Variants in PLEKHA3 observed in about 807,000 individuals in gnomAD.
The protein encoded by PLEKHA3 is pleckstrin homology domain-containing family A member 3.
Under a neutral mutation model 39.2 loss-of-function variants are expected in PLEKHA3, and 19 were observed. The observed-to-expected ratio is 0.48, with a 90% CI of 0.34 to 0.71. The LOEUF (loss-of-function observed/expected upper bound fraction) is 0.71, where lower values mean the gene tolerates loss of function less well. Ranked by LOEUF, PLEKHA3 falls within the 30% of genes least tolerant of loss-of-function variation. The probability of loss-of-function intolerance (pLI) is 0.01; values close to 1 mark genes in which losing one functional copy is unlikely to be tolerated. For missense variants in PLEKHA3, 253 were observed against 359.5 expected (o/e 0.70, Z 2.40); for synonymous variants, 97 against 118.6 (o/e 0.82, Z 1.18).
At chr2:178,495,313 T>C (rs1685424702) in intron 4 of PLEKHA3, among the ~76,000 whole-genome samples, 183 bp from the exon 5 acceptor site, 1 of 152,192 alleles carries the variant, frequency 6.6e-6, no homozygotes, top group South Asian at 2.1e-4. Flanking sequence ...ACATAGATGT[T>C]TTAATGTTTT....
intron 2 of PLEKHA3, chr2:178,489,163 G>T: frequency 3.7e-6 from 1 of 271,554 alleles, no homozygotes; most frequent in East Asian, 1.1e-4. Context: ...AGCTTTAGGA[G>T]TTCAGTAGTT....
rs1201280148 is a variant in PLEKHA3, at chr2:178,481,010, A to C, written c.40+101A>C. ...CTCCGTCTGGCCTCCGCGGACCCTC[A>C]GAGCGAATTCGCTCTACTCGATTCC... On this transcript the variant is annotated intron_variant, in intron 1 of 7. Transcript: ENST00000234453. The C allele has an allele frequency of 5.4e-6, 6 of 1,118,930 alleles. No homozygotes were observed. In the South Asian group the frequency reaches 1.8e-4, roughly 34 times the overall value. 69.3% of individuals were successfully genotyped at this position (1,118,930 alleles called of 1,614,324 possible). A position where few individuals can be genotyped will look rare whatever the true frequency, so the allele number is the denominator to read the frequency against.
chr2:178,499,678 C>T (rs1685499464), intron 6 of PLEKHA3, among the ~76,000 whole-genome samples: 1 of 152,110 alleles, frequency 6.6e-6, no homozygotes, highest in Admixed American at 6.6e-5. Context: ...CCACAACATT[C>T]AGTACAGTAA....
rs1223816811 is a variant in PLEKHA3, at chr2:178,509,677, C to G, written c.*5790C>G. On this transcript the variant is annotated 3_prime_UTR_variant, in exon 8 of 8. Transcript: ENST00000234453. Reference sequence around the variant, plus strand: ...ATTTTTTTGTAGCAGCAGGGTTTTGCCATGCTGTTCAGACTGATCTCAAAC... The same window carrying G: ...ATTTTTTTGTAGCAGCAGGGTTTTGGCATGCTGTTCAGACTGATCTCAAAC... The G allele has an allele frequency of 6.6e-6, 1 of 151,984 alleles. No individual in the cohort carries two copies. Among genetic ancestry groups the G allele is most frequent in the Non-Finnish European group, 1.5e-5 (1 of 68,082 alleles). 9.4% of individuals were successfully genotyped at this position (151,984 alleles called of 1,614,324 possible). A position where few individuals can be genotyped will look rare whatever the true frequency, so the allele number is the denominator to read the frequency against.
At chr2:178,490,939 A>G (rs942467309) in intron 3 of PLEKHA3, 125 bp downstream of exon 3, 3 of 730,416 alleles carry the variant, frequency 4.1e-6, no homozygotes, top group East Asian at 3.0e-5. Context: ...AGATTTACGT[A>G]TATCTTTATC....
chr2:178,489,259 A>G (rs968985994), intron 2 of PLEKHA3, among the ~76,000 whole-genome samples: 5 of 152,156 alleles, frequency 3.3e-5, no homozygotes, highest in African/African-American at 1.2e-4. Flanking sequence ...AATGACCCAT[A>G]TAAGTAGAAT....
At chr2:178,500,533 T>TCA (rs1384514262) in intron 6 of PLEKHA3, among the ~76,000 whole-genome samples, 4 of 152,234 alleles carry the variant, frequency 2.6e-5, no homozygotes, top group African/African-American at 9.6e-5. Context: ...GTAGCTGAGA[T>TCA]GCTGTTAGGT....
intron 2 of PLEKHA3, chr2:178,489,028 T>C: frequency 2.3e-6 from 1 of 437,108 alleles, no homozygotes; most frequent in Non-Finnish European, 4.6e-6. Context: ...TGTTTAAAAA[T>C]GAGTCATCTT....
intron 5 of PLEKHA3, 73 bp downstream of exon 5, chr2:178,495,733 T>C: frequency 6.7e-7 from 1 of 1,486,426 alleles, no homozygotes; most frequent in South Asian, 1.3e-5. Context: ...TTTTGGTATT[T>C]ATTTTTAAGG....
chr2:178,486,094 T>C (rs1488904396), intron 2 of PLEKHA3, among the ~76,000 whole-genome samples: 1 of 152,180 alleles, frequency 6.6e-6, no homozygotes, highest in Non-Finnish European at 1.5e-5. Flanking sequence ...AGAAAGATAT[T>C]GTAAAAGTTG....
At chr2:178,501,236 C>T (rs965835646) in intron 7 of PLEKHA3, 60 bp downstream of exon 7, 2 of 1,202,712 alleles carry the variant, frequency 1.7e-6, no homozygotes, top group South Asian at 1.3e-5. Flanking sequence ...CTGTGGGGCT[C>T]TGTAATTTCT....
chr2:178,488,928 T>C (rs756532189), intron 2 of PLEKHA3: 5 of 442,462 alleles, frequency 1.1e-5, no homozygotes, highest in Non-Finnish European at 1.8e-5. Flanking sequence ...TCTTTTCTGA[T>C]GTTTTGGAAG....
intron 1 of PLEKHA3, among the ~76,000 whole-genome samples, chr2:178,483,791 A>G (rs1333045845): frequency 1.3e-5 from 2 of 152,218 alleles, no homozygotes; most frequent in East Asian, 3.8e-4. Context: ...GTTAATAGGA[A>G]ATATCTGCAG....
In PLEKHA3 at chr2:178,509,578, A is replaced by G. The variant is rs1357995045; in HGVS notation, c.*5691A>G. ...CTGCAGTCTCGACCTCCCAGGCTCAAATGATCCTTTTACCTCAGCCTCCCG... is the reference window on the plus strand; with the variant it reads ...CTGCAGTCTCGACCTCCCAGGCTCAGATGATCCTTTTACCTCAGCCTCCCG... On this transcript the variant is annotated 3_prime_UTR_variant, in exon 8 of 8. Transcript: ENST00000234453. 2 of 151,976 alleles carry G rather than the reference A, an allele frequency of 1.3e-5. No individual in the cohort carries two copies. The highest frequency in any genetic ancestry group is 2.9e-5 in the Non-Finnish European group (2 of 68,070). The allele number at this position is 151,976 out of a possible 1,614,324, so 9.4% of individuals were successfully genotyped here.
Position 178,481,325 on chromosome 2 carries a change from C to CT in PLEKHA3, c.40+422dup, listed in dbSNP as rs1321760149. ...TCAACTACAAGATTTAATTTTAATT[C>CT]TTTTTTGTATTTCTTTTAATTTCCT... is the stretch of plus-strand genomic sequence containing the variant. On this transcript the variant is annotated intron_variant, in intron 1 of 7. Coordinates refer to ENST00000234453, the MANE Select transcript of PLEKHA3 (RefSeq NM_019091.4). Among the ~76,000 whole-genome samples the CT allele has an allele frequency of 2.6e-5, 4 of 152,202 alleles. No individual in the cohort carries two copies. In the East Asian group the frequency reaches 7.7e-4, roughly 29 times the overall value.
intron 3 of PLEKHA3, among the ~76,000 whole-genome samples, chr2:178,491,702 C>A (rs1397292559): frequency 6.6e-6 from 1 of 152,080 alleles, no homozygotes; most frequent in Non-Finnish European, 1.5e-5. Context: ...TGTCTTAGTT[C>A]ATTTTCTGTT....
intron 2 of PLEKHA3, among the ~76,000 whole-genome samples, chr2:178,487,578 A>G (rs565983937): frequency 6.6e-6 from 1 of 152,220 alleles, no homozygotes; most frequent in South Asian, 2.1e-4. Flanking sequence ...AGCTGGGACC[A>G]GAGGCACATG....
rs1685685673 is a variant in PLEKHA3 at position 178,511,573 on chromosome 2, G to A, written c.*7686G>A. On this transcript the variant is annotated 3_prime_UTR_variant, in exon 8 of 8. Coordinates refer to ENST00000234453, the MANE Select transcript of PLEKHA3 (RefSeq NM_019091.4). Reference sequence around the variant, plus strand: ...TATTTTTACAAAAATTTTTCACCATGTTGGCCAGGGTGGTCTCAAACTCCT... The same window carrying A: ...TATTTTTACAAAAATTTTTCACCATATTGGCCAGGGTGGTCTCAAACTCCT... 1 of 152,166 alleles carries A rather than the reference G, an allele frequency of 6.6e-6. No individual in the cohort carries two copies. Among genetic ancestry groups the A allele is most frequent in the Non-Finnish European group, 1.5e-5 (1 of 68,044 alleles). 9.4% of individuals were successfully genotyped at this position (152,166 alleles called of 1,614,324 possible). A position where few individuals can be genotyped will look rare whatever the true frequency, so the allele number is the denominator to read the frequency against.
At position 178,495,763 on chromosome 2, in the gene PLEKHA3, G is replaced by C. The variant is rs937379359; in HGVS notation, c.615+103G>C. The C allele has an allele frequency of 3.1e-5, 39 of 1,278,272 alleles. 1 individual carries two copies. The East Asian group carries it at 9.2e-4, about 30-fold the overall frequency. The allele number at this position is 1,278,272 out of a possible 1,614,324, so 79.2% of individuals were successfully genotyped here. ...TTAAGGGTGGAAGCAGGCAGTTGGG[G>C]GGCGGGGAACAGCTAACAAGTTGAA... On this transcript the variant is annotated intron_variant, in intron 5 of 7. Transcript: ENST00000234453.
Sources: gnomAD v4.1 joint callset for allele counts (sites outside exome capture counted in the v4.1 genomes callset) on GRCh38, gnomAD v4.1.1 for gene constraint, MANE v1.5 for transcripts, NCBI Gene and HGNC (gene_info 2026-07-23, HGNC 2026-07-21) for gene names.